Variants in WNK1 observed in about 807,000 individuals in gnomAD.
WNK1 encodes the protein WNK lysine deficient protein kinase 1.
WNK1 carries 38 observed loss-of-function variants against 222.8 expected under a neutral mutation model. The observed-to-expected ratio is 0.17, with a 90% confidence interval of 0.13 to 0.22. The LOEUF (loss-of-function observed/expected upper bound fraction) is 0.22. WNK1 is among the 10% of genes least tolerant of loss of function. The pLI, the probability that WNK1 is intolerant of heterozygous loss-of-function variation, is 1.00. For synonymous variants in WNK1, 1,090 were observed against 1,092.9 expected (o/e 1.00, Z 0.05); for missense variants, 2,348 against 2,918.4 (o/e 0.80, Z 4.50).
chr12:776,622 G>C (rs772121185), intron 1 of WNK1, among the ~76,000 whole-genome samples: 3 of 152,060 alleles, frequency 2.0e-5, no homozygotes, highest in Non-Finnish European at 4.4e-5. Flanking sequence ...AGGAGAGACA[G>C]GGTTTCACCA....
At chr12:799,780 G>A (rs991432399) in intron 1 of WNK1, among the ~76,000 whole-genome samples, 1 of 152,106 alleles carries the variant, frequency 6.6e-6, no homozygotes, top group African/African-American at 2.4e-5. Context: ...TGCCTCCCGG[G>A]TTCAAATGAT....
chr12:908,861 G>GGGGGGGGGGTCC lies in WNK1; in HGVS notation c.*69_*70insGGGGGGGGGTCC. 2.0e-6 allele frequency: 1 copy of GGGGGGGGGGTCC among 491,846 alleles called. No homozygotes were observed. Among genetic ancestry groups the GGGGGGGGGGTCC allele is most frequent in the Non-Finnish European group, 4.1e-6 (1 of 241,770 alleles). The allele number at this position is 491,846 out of a possible 1,614,324, so 30.5% of individuals were successfully genotyped here. ...ATGCTGAGGGGGTGGGTGGGGGTGGGAAGTAGCCTATATACTAACTACTAG... is the reference window on the plus strand; with the variant it reads ...ATGCTGAGGGGGTGGGTGGGGGTGGGGGGGGGGGGTCCAAGTAGCCTATATACTAACTACTAG... On this transcript the variant is annotated 3_prime_UTR_variant, in exon 28 of 28. Transcript: ENST00000315939.
intron 1 of WNK1, among the ~76,000 whole-genome samples, chr12:755,233 T>C (rs1246439084): frequency 1.3e-5 from 2 of 152,168 alleles, no homozygotes; most frequent in African/African-American, 2.4e-5. Context: ...TAGGTGAACA[T>C]AGGTTATTAG....
At chr12:897,228 G>T (rs1212725338) in intron 24 of WNK1, among the ~76,000 whole-genome samples, 1 of 152,068 alleles carries the variant, frequency 6.6e-6, no homozygotes, top group African/African-American at 2.4e-5. Context: ...GGCCTCAAAA[G>T]TCAGGAAATG....
intron 4 of WNK1, 65 bp downstream of exon 4, chr12:830,225 G>A (rs962005695): frequency 6.4e-7 from 1 of 1,562,800 alleles, no homozygotes; most frequent in African/African-American, 1.4e-5. Flanking sequence ...CAAGGTGGAT[G>A]ACATCAAACC....
intron 1 of WNK1, among the ~76,000 whole-genome samples, chr12:804,662 C>G (rs961527143): frequency 1.3e-5 from 2 of 152,064 alleles, no homozygotes; most frequent in African/African-American, 4.8e-5. Context: ...CGTGAGCCAC[C>G]GTGCCTGGCC....
chr12:831,568 T>A (rs1451081827), intron 4 of WNK1, among the ~76,000 whole-genome samples: 2 of 152,036 alleles, frequency 1.3e-5, no homozygotes, highest in African/African-American at 4.8e-5. Flanking sequence ...TTGTCTTCCA[T>A]TAAACCATAT....
chr12:897,739 G>A, intron 25 of WNK1, 58 bp downstream of exon 25: 1 of 1,549,774 alleles, frequency 6.5e-7, no homozygotes, highest in South Asian at 1.1e-5. Context: ...TCTGTCTCCA[G>A]CTGTATGTGA....
At chr12:870,048 A>G (rs937731065) in intron 8 of WNK1, among the ~76,000 whole-genome samples, 1 of 152,204 alleles carries the variant, frequency 6.6e-6, no homozygotes, top group African/African-American at 2.4e-5. Context: ...ATCTTATAAA[A>G]TCTACATAGA....
In WNK1 at chr12:761,966, C is replaced by CA. The variant is rs1329616009; in HGVS notation, c.759+7646dup. Among the ~76,000 whole-genome samples, 7 of 147,104 alleles carry CA rather than the reference C, an allele frequency of 4.8e-5. 1 individual carries two copies. Among genetic ancestry groups the CA allele is most frequent in the African/African-American group, 1.7e-4 (7 of 41,006 alleles). ...CCAGACAGCCCCCACCCCAGGGTAC[C>CA]AAAATTCACAAATGCACAAGTCTCT... On this transcript the variant is annotated intron_variant, in intron 1 of 27. Transcript: ENST00000315939.
At chr12:763,445 C>T (rs1035771656) in intron 1 of WNK1, among the ~76,000 whole-genome samples, 7 of 146,274 alleles carry the variant, frequency 4.8e-5, no homozygotes, top group African/African-American at 1.2e-4. Context: ...AAAAACTAGC[C>T]GGGTGTGGTG....
chr12:791,109 T>C (rs1217945225), intron 1 of WNK1, among the ~76,000 whole-genome samples: 1 of 152,092 alleles, frequency 6.6e-6, no homozygotes, highest in East Asian at 1.9e-4. Context: ...TTTTAAGGAT[T>C]GGCAGATCGT....
intron 6 of WNK1, among the ~76,000 whole-genome samples, chr12:860,701 C>A (rs1022822682): frequency 6.6e-6 from 1 of 152,110 alleles, no homozygotes; most frequent in Non-Finnish European, 1.5e-5. Flanking sequence ...AACAGAGTAC[C>A]TTACTTGGTT....
chr12:833,604 A>G (rs963550602), intron 4 of WNK1, among the ~76,000 whole-genome samples: 2 of 152,222 alleles, frequency 1.3e-5, no homozygotes, highest in Non-Finnish European at 2.9e-5. Flanking sequence ...TTCACTGTAT[A>G]ATGATCTTTG....
chr12:838,713 C>G (rs1949393062), intron 4 of WNK1, among the ~76,000 whole-genome samples: 1 of 152,044 alleles, frequency 6.6e-6, no homozygotes, highest in African/African-American at 2.4e-5. Flanking sequence ...ACTGTGCCAG[C>G]CTGTGTCTTC....
chr12:778,752 G>A (rs557158684), intron 1 of WNK1, among the ~76,000 whole-genome samples: 11 of 151,854 alleles, frequency 7.2e-5, no homozygotes, highest in African/African-American at 1.2e-4. Flanking sequence ...AAATGATAAG[G>A]ACAGTACATG....
intron 4 of WNK1, among the ~76,000 whole-genome samples, chr12:856,638 G>A (rs10774467): frequency 0.51 from 77,101 of 151,798 alleles, 20,057 homozygotes; most frequent in East Asian, 0.81. Flanking sequence ...TATTTGTGCA[G>A]GACAATTTGC....
chr12:883,166 T>C lies in WNK1; in HGVS notation c.3489+107T>C, dbSNP rs139651324. On this transcript the variant is annotated intron_variant, in intron 15 of 27. Transcript: ENST00000315939. ...TATAATCCATGTTTTTTTAAAGTTATGCATTTACTTCAATGTGAATAAAAC... is the reference window on the plus strand; with the variant it reads ...TATAATCCATGTTTTTTTAAAGTTACGCATTTACTTCAATGTGAATAAAAC... 1.6e-3 allele frequency: 1,666 copies of C among 1,017,314 alleles called. 16 individuals carry two copies. The highest frequency in any genetic ancestry group is 8.3e-3 in the South Asian group (648 of 78,300). 63.0% of individuals were successfully genotyped at this position (1,017,314 alleles called of 1,614,324 possible). A position where few individuals can be genotyped will look rare whatever the true frequency, so the allele number is the denominator to read the frequency against.
intron 12 of WNK1, 84 bp from the exon 13 acceptor site, chr12:881,608 A>T: frequency 8.9e-7 from 1 of 1,118,908 alleles, no homozygotes; most frequent in Non-Finnish European, 1.4e-6. Context: ...GGGGAGGGAT[A>T]AGGAAAAAAA....
Sources: allele counts gnomAD v4.1 joint callset (sites outside exome capture counted in the v4.1 genomes callset), GRCh38; gene constraint gnomAD v4.1.1; transcripts MANE v1.5; gene names NCBI Gene and HGNC (gene_info 2026-07-23, HGNC 2026-07-21).